OPHN1: variants seen among roughly 807,000 people sequenced by gnomAD.
OPHN1 encodes the protein oligophrenin-1.
A neutral mutation model predicts 60.7 loss-of-function variants in OPHN1; 11 were observed. That is an observed-to-expected ratio of 0.18 (90% CI 0.11 to 0.30). OPHN1 has a LOEUF of 0.30. Among genes scored for constraint, OPHN1 ranks in the 10% least tolerant of loss-of-function variants. The pLI, the probability that OPHN1 is intolerant of heterozygous loss-of-function variation, is 1.00. For missense variants in OPHN1, 449 were observed against 611.0 expected, an observed-to-expected ratio of 0.73 and a Z score of 2.80; for synonymous variants, 226 against 222.6, an observed-to-expected ratio of 1.02 and a Z score of -0.14.
chrX:68,423,611 C>T (rs1192013962), intron 2 of OPHN1, among the ~76,000 whole-genome samples: 2 of 110,820 alleles, frequency 1.8e-5, no homozygotes, highest in Non-Finnish European at 3.8e-5. Context: ...TTAGCAATCA[C>T]TAACCTGATA....
intron 2 of OPHN1, among the ~76,000 whole-genome samples, chrX:68,325,403 A>T (rs915953182): frequency 1.9e-5 from 2 of 106,517 alleles, no homozygotes; most frequent in African/African-American, 6.8e-5. Flanking sequence ...CATATATATA[A>T]AAAATTATGA....
chrX:68,374,130 G>T (rs763849777), intron 2 of OPHN1, among the ~76,000 whole-genome samples: 54 of 110,454 alleles, frequency 4.9e-4, no homozygotes, highest in Non-Finnish European at 9.6e-4. Context: ...GGCCAAGGCG[G>T]GCGGATCACG....
In OPHN1 at chrX:68,433,009, G is replaced by C. The variant is rs139546241; in HGVS notation, c.12C>G (p.Pro4=). MGH[P]PLEFSDCYLD... is the part of the protein sequence containing the mutation. Reference sequence around the variant, plus strand: ...GGTAGCAGTCGCTGAACTCCAGCGGGGGATGACCCATGGTTCTGATGGCCG... The same window carrying C: ...GGTAGCAGTCGCTGAACTCCAGCGGCGGATGACCCATGGTTCTGATGGCCG... The change falls in exon 2 of 25, where the codon CCC becomes CCG. Residue 4 remains proline (P), a synonymous_variant. Coordinates refer to ENST00000355520, the MANE Select transcript of OPHN1 (RefSeq NM_002547.3). 41 of 1,204,769 alleles carry C rather than the reference G, an allele frequency of 3.4e-5. No individual in the cohort carries two copies. The African/African-American group carries it at 5.9e-4, about 17-fold the overall frequency.
chrX:68,176,274 A>G (rs1365686547), intron 15 of OPHN1, among the ~76,000 whole-genome samples: 1 of 112,072 alleles, frequency 8.9e-6, no homozygotes, highest in African/African-American at 3.2e-5. Context: ...ATATCTGTAA[A>G]TCGTGTGTGT....
chrX:68,262,581 C>A (rs1001854405), intron 5 of OPHN1, among the ~76,000 whole-genome samples: 1 of 111,771 alleles, frequency 8.9e-6, no homozygotes, highest in African/African-American at 3.3e-5. Flanking sequence ...GTCAGGAGTT[C>A]GAGACCAGCC....
chrX:68,274,756 T>A lies in OPHN1; in HGVS notation c.366A>T (p.Glu122Asp). 1 of 1,203,551 alleles carries A rather than the reference T, an allele frequency of 8.3e-7. No homozygotes were observed. Among genetic ancestry groups the A allele is most frequent in the Non-Finnish European group, 1.1e-6 (1 of 888,640 alleles). The change falls in exon 5 of 25, where the codon GAA becomes GAT. Residue 122 changes from glutamate (E) to aspartate (D), a missense_variant. Physicochemically the swap from Glu to Asp is conservative, Grantham distance 45 (BLOSUM62 2). Transcript: ENST00000355520. ...LIKPLENFRK[E>D]QIGFTKERKK... Reference sequence around the variant, plus strand: ...AATGTACCTTGGTGAAGCCTATTTGTTCCTTCCGGAAATTTTCCAAGGGTT... The same window carrying A: ...AATGTACCTTGGTGAAGCCTATTTGATCCTTCCGGAAATTTTCCAAGGGTT...
intron 6 of OPHN1, among the ~76,000 whole-genome samples, chrX:68,217,743 A>G (rs1223155298): frequency 9.1e-6 from 1 of 109,311 alleles, no homozygotes; most frequent in Non-Finnish European, 1.9e-5. Context: ...GAAAACTAAC[A>G]AACAGAAAGG....
In OPHN1 at chrX:68,044,303, G is replaced by A. The variant is rs2076825501; in HGVS notation, c.*2869C>T. 8.9e-6 allele frequency: 1 copy of A among 112,637 alleles called. No homozygotes were observed. Among genetic ancestry groups the A allele is most frequent in the African/African-American group, 3.2e-5 (1 of 31,060 alleles). The allele number at this position is 112,637 out of a possible 1,213,427, so 9.3% of individuals were successfully genotyped here. A position where few individuals can be genotyped will look rare whatever the true frequency, so the allele number is the denominator to read the frequency against. On this transcript the variant is annotated 3_prime_UTR_variant, in exon 25 of 25. Coordinates refer to ENST00000355520, the MANE Select transcript of OPHN1 (RefSeq NM_002547.3). ...AACAGCATGGGCTAAGAGTGGCCTG[G>A]ATTCAAATCACAGTCCTTTTATTTA...
rs372417117 is a variant in OPHN1 at position 68,383,786 on chromosome X, G to A, written c.154+49081C>T. 4.4e-4 allele frequency among the ~76,000 whole-genome samples: 48 copies of A among 110,093 alleles called. No homozygotes were observed. The East Asian group carries it at 0.012, about 29-fold the overall frequency. Reference sequence around the variant, plus strand: ...TTCTTTCTCTCATCCATGAGAGAACGAATTGCATTTTGGTAGTCTGAGGCA... The same window carrying A: ...TTCTTTCTCTCATCCATGAGAGAACAAATTGCATTTTGGTAGTCTGAGGCA... On this transcript the variant is annotated intron_variant, in intron 2 of 24. Transcript: ENST00000355520.
At chrX:68,256,383 G>A (rs774229844) in intron 5 of OPHN1, among the ~76,000 whole-genome samples, 8 of 111,460 alleles carry the variant, frequency 7.2e-5, no homozygotes, top group South Asian at 3.8e-4. Context: ...TACAGGCTGC[G>A]CATTGTTAGA....
rs905996775 is a variant in OPHN1 at position 68,214,601 on chromosome X, T to G, written c.487-629A>C. Among the ~76,000 whole-genome samples, 33 of 111,935 alleles carry G rather than the reference T, an allele frequency of 2.9e-4. 1 individual carries two copies. The highest frequency in any genetic ancestry group is 2.9e-4 in the Admixed American group (3 of 10,506). ...TTTCATCTGAACATCACCGCTAGCTTTCAACAATGAACTACAAGGCATATT... is the reference window on the plus strand; with the variant it reads ...TTTCATCTGAACATCACCGCTAGCTGTCAACAATGAACTACAAGGCATATT... On this transcript the variant is annotated intron_variant, in intron 6 of 24. Transcript: ENST00000355520.
intron 19 of OPHN1, among the ~76,000 whole-genome samples, chrX:68,092,291 C>T (rs2077021557): frequency 8.9e-6 from 1 of 111,916 alleles, no homozygotes; most frequent in Admixed American, 9.5e-5. Context: ...ACAGCTCTCA[C>T]ACATATTATC....
intron 15 of OPHN1, among the ~76,000 whole-genome samples, chrX:68,185,245 G>C (rs1005502571): frequency 1.2e-4 from 14 of 112,573 alleles, no homozygotes; most frequent in Admixed American, 2.8e-4. Context: ...CAGAAACTCT[G>C]TGCAGTAGCA....
intron 23 of OPHN1, among the ~76,000 whole-genome samples, chrX:68,051,028 C>A (rs1169903944): frequency 9.0e-6 from 1 of 111,710 alleles, no homozygotes; most frequent in Non-Finnish European, 1.9e-5. Context: ...TTTGGCCCAG[C>A]CTGAGGTTCC....
intron 18 of OPHN1, among the ~76,000 whole-genome samples, chrX:68,103,366 T>G (rs2077067790): frequency 8.9e-6 from 1 of 111,925 alleles, no homozygotes; most frequent in South Asian, 3.7e-4. Flanking sequence ...TAAGTATTGA[T>G]GGAACATATC....
intron 15 of OPHN1, among the ~76,000 whole-genome samples, chrX:68,128,137 A>G (rs867291166): frequency 2.3e-4 from 25 of 109,161 alleles, no homozygotes; most frequent in African/African-American, 7.3e-4. Context: ...TCAGCCTCAA[A>G]CTCCTGGGCT....
At chrX:68,186,035 C>G (rs1403702671) in intron 15 of OPHN1, among the ~76,000 whole-genome samples, 1 of 111,494 alleles carries the variant, frequency 9.0e-6, no homozygotes, top group Non-Finnish European at 1.9e-5. Flanking sequence ...TTCCAGTTGC[C>G]TATACTGCTT....
chrX:68,340,202 T>C (rs1216357387), intron 2 of OPHN1, among the ~76,000 whole-genome samples: 1 of 112,009 alleles, frequency 8.9e-6, no homozygotes, highest in Non-Finnish European at 1.9e-5. Flanking sequence ...CTGGCAGAAG[T>C]TGACATGGTG....
At chrX:68,176,754 G>A (rs1260360423) in intron 15 of OPHN1, among the ~76,000 whole-genome samples, 2 of 110,923 alleles carry the variant, frequency 1.8e-5, no homozygotes, top group Non-Finnish European at 3.8e-5. Context: ...CCTTGATGAT[G>A]ACCTTGAGTA....
Sources: gnomAD v4.1 joint callset for allele counts (sites outside exome capture counted in the v4.1 genomes callset) on GRCh38, gnomAD v4.1.1 for gene constraint, MANE v1.5 for transcripts, NCBI Gene and HGNC (gene_info 2026-07-23, HGNC 2026-07-21) for gene names.